PLCB1: variants seen among roughly 807,000 people sequenced by gnomAD.
PLCB1 encodes the protein phospholipase C beta 1, also known as 1-phosphatidylinositol 4,5-bisphosphate phosphodiesterase beta-1.
A neutral mutation model predicts 161.8 loss-of-function variants in PLCB1; 46 were observed. The ratio of observed to expected loss-of-function variants is 0.28; its 90% CI spans 0.22 to 0.36. PLCB1 has a LOEUF of 0.36. PLCB1 is among the 10% of genes least tolerant of loss of function. The pLI, the probability that PLCB1 is intolerant of heterozygous loss-of-function variation, is 1.00. For missense variants in PLCB1, 1,016 were observed against 1,472.5 expected (o/e 0.69, Z 5.07); for synonymous variants, 517 against 503.7 (o/e 1.03, Z -0.35).
intron 4 of PLCB1, among the ~76,000 whole-genome samples, chr20:8,644,067 G>C (rs1426176895): frequency 6.6e-6 from 1 of 152,218 alleles, no homozygotes; most frequent in African/African-American, 2.4e-5. Flanking sequence ...GAGGTGCCGG[G>C]ATTGCAGACG....
chr20:8,788,542 A>T lies in PLCB1; in HGVS notation c.3188+17A>T. 6.2e-7 allele frequency: 1 copy of T among 1,609,286 alleles called. No individual in the cohort carries two copies. Among genetic ancestry groups the T allele is most frequent in the Non-Finnish European group, 8.5e-7 (1 of 1,176,690 alleles). On this transcript the variant is annotated intron_variant, in intron 28 of 31. Coordinates refer to ENST00000338037, the MANE Select transcript of PLCB1 (RefSeq NM_015192.4). ...CTGTGAGAAGTAAGCCCTCATTCCC[A>T]TTACAATTGACATGTGCATCTGAAT...
At chr20:8,288,521 A>G (rs1392614325) in intron 2 of PLCB1, among the ~76,000 whole-genome samples, 2 of 152,176 alleles carry the variant, frequency 1.3e-5, no homozygotes, top group African/African-American at 4.8e-5. Context: ...TCCCACAGGG[A>G]GCTTTGGGGT....
intron 2 of PLCB1, among the ~76,000 whole-genome samples, chr20:8,180,323 A>G (rs2051828442): frequency 6.6e-6 from 1 of 152,192 alleles, no homozygotes; most frequent in Admixed American, 6.5e-5. Context: ...ATGGTGGATT[A>G]GCTTTTTGAT....
intron 31 of PLCB1, among the ~76,000 whole-genome samples, chr20:8,808,271 T>A (rs561389994): frequency 6.6e-6 from 1 of 152,296 alleles, no homozygotes; most frequent in East Asian, 1.9e-4. Flanking sequence ...CCCGCGAGAT[T>A]CGTTTCTGGG....
chr20:8,361,214 T>A lies in PLCB1; in HGVS notation c.178-10168T>A, dbSNP rs1162712480. ...AAATTGCTGCTTTAATCTACAGTGATATTAGAGCTACTGATAAGCACAGTA... is the reference window on the plus strand; with the variant it reads ...AAATTGCTGCTTTAATCTACAGTGAAATTAGAGCTACTGATAAGCACAGTA... On this transcript the variant is annotated intron_variant, in intron 2 of 31. Coordinates refer to ENST00000338037, the MANE Select transcript of PLCB1 (RefSeq NM_015192.4). Among the ~76,000 whole-genome samples the A allele has an allele frequency of 2.0e-5, 3 of 152,214 alleles. No individual in the cohort carries two copies. In the East Asian group the frequency reaches 5.8e-4, roughly 29 times the overall value.
chr20:8,589,032 C>T (rs756971008), intron 3 of PLCB1, among the ~76,000 whole-genome samples: 1 of 152,168 alleles, frequency 6.6e-6, no homozygotes, highest in Non-Finnish European at 1.5e-5. Context: ...CATGGTAAGT[C>T]AGCAAGGGGG....
intron 2 of PLCB1, among the ~76,000 whole-genome samples, chr20:8,217,593 C>A (rs1490402891): frequency 6.6e-6 from 1 of 152,046 alleles, no homozygotes; most frequent in African/African-American, 2.4e-5. Flanking sequence ...GTATGAAATG[C>A]AGTGTGATTT....
chr20:8,846,050 A>G (rs1285989922), intron 31 of PLCB1, among the ~76,000 whole-genome samples: 1 of 152,180 alleles, frequency 6.6e-6, no homozygotes, highest in African/African-American at 2.4e-5. Flanking sequence ...ATCTATAAAG[A>G]ACTACCTGAG....
intron 12 of PLCB1, among the ~76,000 whole-genome samples, chr20:8,715,686 A>C (rs1979267816): frequency 6.6e-6 from 1 of 150,604 alleles, no homozygotes; most frequent in African/African-American, 2.4e-5. Flanking sequence ...TTCCTCCAGG[A>C]CCCCCTCCCC....
At chr20:8,223,230 G>A (rs1979508326) in intron 2 of PLCB1, among the ~76,000 whole-genome samples, 1 of 152,144 alleles carries the variant, frequency 6.6e-6, no homozygotes, top group Admixed American at 6.6e-5. Context: ...TTGTGCTTCA[G>A]ATAAACTGCC....
intron 23 of PLCB1, among the ~76,000 whole-genome samples, chr20:8,752,587 G>A (rs1981536162): frequency 6.6e-6 from 1 of 152,090 alleles, no homozygotes; most frequent in African/African-American, 2.4e-5. Flanking sequence ...GAGGTCAGGA[G>A]TTCGAGACCA....
At chr20:8,623,640 T>A (rs1330093332) in intron 3 of PLCB1, among the ~76,000 whole-genome samples, 1 of 152,128 alleles carries the variant, frequency 6.6e-6, no homozygotes, top group African/African-American at 2.4e-5. Context: ...CTACTCCCTC[T>A]AGTTAAAAAA....
intron 2 of PLCB1, among the ~76,000 whole-genome samples, chr20:8,317,040 A>T (rs960872637): frequency 2.0e-5 from 3 of 151,532 alleles, no homozygotes; most frequent in African/African-American, 7.3e-5. Flanking sequence ...CAAACACATA[A>T]TAGATGGCAA....
In PLCB1 at chr20:8,760,382, A is replaced by G. The variant is rs755262909; in HGVS notation, c.2657-25A>G. The G allele has an allele frequency of 3.4e-6, 5 of 1,486,580 alleles. No individual in the cohort carries two copies. In the African/African-American group the frequency reaches 6.9e-5, roughly 21 times the overall value. 92.1% of individuals were successfully genotyped at this position (1,486,580 alleles called of 1,614,324 possible). On this transcript the variant is annotated intron_variant, in intron 24 of 31. Coordinates refer to ENST00000338037, the MANE Select transcript of PLCB1 (RefSeq NM_015192.4). ...TAAAATTTAAAAAGTTGAAGAGGCT[A>G]TTTATTTTATCTTTTATATTACAGG...
chr20:8,490,763 G>A (rs1355607644), intron 3 of PLCB1, among the ~76,000 whole-genome samples: 1 of 151,746 alleles, frequency 6.6e-6, no homozygotes, highest in African/African-American at 2.4e-5. Flanking sequence ...TGCCATCCCA[G>A]TTTCTTATTT....
intron 3 of PLCB1, among the ~76,000 whole-genome samples, chr20:8,514,345 C>G (rs1984020410): frequency 6.6e-6 from 1 of 150,484 alleles, no homozygotes; most frequent in Non-Finnish European, 1.5e-5. Context: ...GAGGCTGAGG[C>G]AGTGGAATCA....
intron 3 of PLCB1, among the ~76,000 whole-genome samples, chr20:8,567,588 G>A: frequency 6.6e-6 from 1 of 152,036 alleles, no homozygotes; most frequent in Middle Eastern, 3.2e-3. Context: ...TAAAACCAAT[G>A]TCACTGGCAT....
chr20:8,673,916 C>T (rs1990010605), intron 9 of PLCB1, among the ~76,000 whole-genome samples: 2 of 152,168 alleles, frequency 1.3e-5, no homozygotes, highest in South Asian at 4.1e-4. Flanking sequence ...CATCTCTTTG[C>T]TGACAGCTCT....
intron 3 of PLCB1, among the ~76,000 whole-genome samples, chr20:8,622,467 A>T (rs1988213030): frequency 6.6e-6 from 1 of 152,112 alleles, no homozygotes; most frequent in South Asian, 2.1e-4. Context: ...ATATAGTCCT[A>T]AGAATGTTTT....
Sources: gnomAD v4.1 joint callset for allele counts (sites outside exome capture counted in the v4.1 genomes callset) on GRCh38, gnomAD v4.1.1 for gene constraint, MANE v1.5 for transcripts, NCBI Gene and HGNC (gene_info 2026-07-23, HGNC 2026-07-21) for gene names.